The following ADK variants were observed in gnomAD, a reference collection of about 807,000 sequenced individuals.
ADK encodes adenosine kinase.
Under a neutral mutation model 44.7 loss-of-function variants are expected in ADK, and 24 were observed. The ratio of observed to expected loss-of-function variants is 0.54; its 90% CI spans 0.39 to 0.76. The LOEUF is 0.76. Ranked by LOEUF, ADK falls within the 30% of genes least tolerant of loss-of-function variation. The pLI is 0.00. For synonymous variants in ADK, 128 were observed against 142.6 expected (o/e 0.90, Z 0.73); for missense variants, 321 against 425.1 (o/e 0.76, Z 2.15).
intron 1 of ADK, among the ~76,000 whole-genome samples, chr10:74,180,270 C>T (rs1427234008): frequency 6.7e-6 from 1 of 149,620 alleles, no homozygotes; most frequent in Non-Finnish European, 1.5e-5. Context: ...CAGTGTCTTG[C>T]TCTGTCGCCC....
At chr10:74,252,289 A>G (rs1845679085) in intron 3 of ADK, among the ~76,000 whole-genome samples, 1 of 152,154 alleles carries the variant, frequency 6.6e-6, no homozygotes, top group South Asian at 2.1e-4. Context: ...CCATTCCTAA[A>G]GCTATTGTGC....
At chr10:74,293,417 TA>T (rs1407520767) in intron 3 of ADK, among the ~76,000 whole-genome samples, 1 of 152,160 alleles carries the variant, frequency 6.6e-6, no homozygotes, top group Non-Finnish European at 1.5e-5. Context: ...TAACATAATT[TA>T]CGATGCTTCT....
chr10:74,460,930 G>A (rs1846154978), intron 6 of ADK, among the ~76,000 whole-genome samples: 1 of 152,124 alleles, frequency 6.6e-6, no homozygotes, highest in South Asian at 2.1e-4. Context: ...TCATCACTAT[G>A]GACTGTTAGC....
At chr10:74,458,784 GCCTTA>G (rs1846053003) in intron 6 of ADK, among the ~76,000 whole-genome samples, 1 of 151,932 alleles carries the variant, frequency 6.6e-6, no homozygotes, top group African/African-American at 2.4e-5. Flanking sequence ...GTACTAATCT[GCCTTA>G]CCTTTAATAC....
intron 2 of ADK, among the ~76,000 whole-genome samples, chr10:74,210,110 A>C (rs1366491775): frequency 1.3e-5 from 2 of 152,142 alleles, no homozygotes; most frequent in African/African-American, 2.4e-5. Context: ...TGAACGGATC[A>C]CCTGAGGTCA....
intron 2 of ADK, among the ~76,000 whole-genome samples, chr10:74,214,566 G>A (rs570742335): frequency 1.7e-4 from 26 of 152,290 alleles, no homozygotes; most frequent in African/African-American, 6.3e-4. Context: ...ATTAGGCATG[G>A]CACCTCTCTT....
At chr10:74,554,110 A>G (rs1009488038) in intron 7 of ADK, among the ~76,000 whole-genome samples, 1 of 152,138 alleles carries the variant, frequency 6.6e-6, no homozygotes, top group African/African-American at 2.4e-5. Flanking sequence ...GTAGCTTCTT[A>G]TACTCTGTTC....
At chr10:74,530,232 T>C (rs1400092883) in intron 7 of ADK, among the ~76,000 whole-genome samples, 1 of 152,082 alleles carries the variant, frequency 6.6e-6, no homozygotes, top group African/African-American at 2.4e-5. Flanking sequence ...TTATCTTCAG[T>C]TTTCCAGGAA....
At chr10:74,700,445 G>A (rs1018947083) in intron 10 of ADK, among the ~76,000 whole-genome samples, 2 of 152,030 alleles carry the variant, frequency 1.3e-5, no homozygotes, top group East Asian at 1.9e-4. Flanking sequence ...ATTTCACCAC[G>A]TTGGCCAGGC....
At chr10:74,297,341 A>G (rs931976066) in intron 3 of ADK, among the ~76,000 whole-genome samples, 1 of 152,240 alleles carries the variant, frequency 6.6e-6, no homozygotes, top group South Asian at 2.1e-4. Context: ...AATGGAAGAT[A>G]TGGACTGTGT....
rs199853152 is a variant in ADK, at chr10:74,663,248, AAT to A, written c.878-6916_878-6915del. Among the ~76,000 whole-genome samples the A allele has an allele frequency of 4.7e-3, 656 of 140,828 alleles. 3 individuals carry two copies. The highest frequency in any genetic ancestry group is 9.9e-3 in the African/African-American group (374 of 37,794). The allele number at this position is 140,828 out of a possible 152,430, so 92.4% of individuals were successfully genotyped here. On this transcript the variant is annotated intron_variant, in intron 9 of 10. Transcript: ENST00000539909. ...AGATGCTATCTCAAAAAAAAAAAAT[AAT>A]ATATATATATATATATATGTATCTC...
intron 5 of ADK, among the ~76,000 whole-genome samples, chr10:74,397,190 G>GT (rs1843548751): frequency 1.3e-5 from 2 of 151,888 alleles, no homozygotes; most frequent in Admixed American, 1.3e-4. Flanking sequence ...ATATGAATAT[G>GT]TTGATGCATA....
chr10:74,402,784 A>G (rs1051947802), intron 6 of ADK, among the ~76,000 whole-genome samples: 15 of 152,072 alleles, frequency 9.9e-5, no homozygotes, highest in Admixed American at 9.8e-4. Context: ...GCTGTGTTCT[A>G]TTGCTGGCGA....
In ADK at chr10:74,302,105, GTTTGTTTTTTTTTTTTTTTTTT is replaced by G. The variant is rs1840067120; in HGVS notation, c.195-12558_195-12537del. Among the ~76,000 whole-genome samples, 185 of 88,906 alleles carry G rather than the reference GTTTGTTTTTTTTTTTTTTTTTT, an allele frequency of 2.1e-3. 12 individuals are homozygous for G. Among genetic ancestry groups the G allele is most frequent in the Middle Eastern group, 0.014 (2 of 144 alleles). The allele number at this position is 88,906 out of a possible 152,430, so 58.3% of individuals were successfully genotyped here. A position where few individuals can be genotyped will look rare whatever the true frequency, so the allele number is the denominator to read the frequency against. ...TTTCTTTTCTGTTTTTTTTTTGTTTGTTTGTTTTTTTTTTTTTTTTTTTTTTTTTTTTTTTTTTTTTGAGATG... is the reference window on the plus strand; with the variant it reads ...TTTCTTTTCTGTTTTTTTTTTGTTTGTTTTTTTTTTTTTTTTTTTGAGATG... On this transcript the variant is annotated intron_variant, in intron 3 of 10. Coordinates refer to ENST00000539909, the MANE Select transcript of ADK (RefSeq NM_006721.4).
At chr10:74,567,693 T>G (rs947085035) in intron 7 of ADK, among the ~76,000 whole-genome samples, 30 of 132,006 alleles carry the variant, frequency 2.3e-4, no homozygotes, top group Non-Finnish European at 3.0e-5. Flanking sequence ...TTTTTTTGTT[T>G]TTTTTGTTTT....
chr10:74,260,599 G>T (rs1383867223), intron 3 of ADK, among the ~76,000 whole-genome samples: 1 of 152,134 alleles, frequency 6.6e-6, no homozygotes, highest in Non-Finnish European at 1.5e-5. Context: ...TCTGTGATTA[G>T]GTGACTCTTT....
chr10:74,337,755 G>A (rs868366138), intron 4 of ADK, among the ~76,000 whole-genome samples: 3 of 147,158 alleles, frequency 2.0e-5, no homozygotes, highest in Non-Finnish European at 4.5e-5. Flanking sequence ...TTCCCTCTTC[G>A]GATGATTTTT....
intron 3 of ADK, among the ~76,000 whole-genome samples, chr10:74,257,388 A>G (rs1203777251): frequency 6.6e-6 from 1 of 152,214 alleles, no homozygotes; most frequent in Non-Finnish European, 1.5e-5. Context: ...TTTTATAGTC[A>G]GTATTTGCAT....
chr10:74,326,050 G>A (rs1317713303), intron 4 of ADK, among the ~76,000 whole-genome samples: 1 of 152,076 alleles, frequency 6.6e-6, no homozygotes, highest in Non-Finnish European at 1.5e-5. Context: ...GGCCAGGGTG[G>A]TCTTGAACTC....
Sources: gnomAD v4.1 joint callset for allele counts (sites outside exome capture counted in the v4.1 genomes callset) on GRCh38, gnomAD v4.1.1 for gene constraint, MANE v1.5 for transcripts, NCBI Gene and HGNC (gene_info 2026-07-23, HGNC 2026-07-21) for gene names.